Variants in H6PD observed in about 807,000 individuals in gnomAD.
The protein encoded by H6PD is GDH/6PGL endoplasmic bifunctional protein.
H6PD carries 48 observed loss-of-function variants against 61.2 expected under a neutral mutation model. The observed-to-expected ratio is 0.78, with a 90% confidence interval of 0.62 to 1.00. H6PD has a LOEUF of 1.00. Ranked by LOEUF, H6PD falls within the 50% of genes least tolerant of loss-of-function variation. The pLI, the probability that H6PD is intolerant of heterozygous loss-of-function variation, is 0.00. For synonymous variants in H6PD, 480 were observed against 457.9 expected, an observed-to-expected ratio of 1.05 and a Z score of -0.62; for missense variants, 1,093 against 1,065.0, an observed-to-expected ratio of 1.03 and a Z score of -0.37.
At chr1:9,255,997 G>A (rs373156470) in intron 3 of H6PD, among the ~76,000 whole-genome samples, 4 of 152,216 alleles carry the variant, frequency 2.6e-5, no homozygotes, top group East Asian at 3.8e-4. Context: ...GCTCTGGGTC[G>A]AACTGCCTGG....
chr1:9,251,436 C>CTGTTGTTGTTGT (rs58988268), intron 3 of H6PD, among the ~76,000 whole-genome samples: 2 of 151,254 alleles, frequency 1.3e-5, no homozygotes, highest in South Asian at 2.1e-4. Context: ...AGAAGGCCTG[C>CTGTTGTTGTTGT]TGTTGTTGTT....
Position 9,265,519 on chromosome 1 carries a change from G to A in H6PD, c.*650G>A, listed in dbSNP as rs576907339. 1.3e-4 allele frequency: 22 copies of A among 163,946 alleles called. No homozygotes were observed. Among genetic ancestry groups the A allele is most frequent in the African/African-American group, 5.3e-4 (22 of 41,642 alleles). The allele number at this position is 163,946 out of a possible 1,614,324, so 10.2% of individuals were successfully genotyped here. On this transcript the variant is annotated 3_prime_UTR_variant, in exon 5 of 5. Coordinates refer to ENST00000377403, the MANE Select transcript of H6PD (RefSeq NM_004285.4). Reference sequence around the variant, plus strand: ...CATCCCTGTCTCCTCCATCCTGGCTGTGCAGTAGGAATTCCAGGCTCCTCC... The same window carrying A: ...CATCCCTGTCTCCTCCATCCTGGCTATGCAGTAGGAATTCCAGGCTCCTCC...
In H6PD at chr1:9,257,290, AT is replaced by A. The variant is rs559290011; in HGVS notation, c.746-4757del. Among the ~76,000 whole-genome samples the A allele has an allele frequency of 5.2e-3, 757 of 145,064 alleles. 2 individuals carry two copies. Among genetic ancestry groups the A allele is most frequent in the African/African-American group, 0.016 (652 of 39,668 alleles). ...AAATAGTTGGGACCACACTTGGCTA[AT>A]TTTTTTTTTTTAATTTTTTGTAGAA... On this transcript the variant is annotated intron_variant, in intron 3 of 4. Coordinates refer to ENST00000377403, the MANE Select transcript of H6PD (RefSeq NM_004285.4).
At chr1:9,256,437 C>A (rs1174005871) in intron 3 of H6PD, among the ~76,000 whole-genome samples, 1 of 152,174 alleles carries the variant, frequency 6.6e-6, no homozygotes, top group African/African-American at 2.4e-5. Flanking sequence ...TCTTGCCCCC[C>A]AACACTGGTG....
intron 1 of H6PD, chr1:9,239,769 CT>C: frequency 2.6e-6 from 1 of 385,890 alleles, no homozygotes; most frequent in African/African-American, 2.1e-5. Flanking sequence ...AGACATTGAC[CT>C]TTACCTCCCG....
At position 9,254,127 on chromosome 1, in the gene H6PD, G is replaced by A. The variant is rs1368097852; in HGVS notation, c.745+7044G>A. On this transcript the variant is annotated intron_variant, in intron 3 of 4. Coordinates refer to ENST00000377403, the MANE Select transcript of H6PD (RefSeq NM_004285.4). This position sits in a 1 kb window ranked among gnomAD's most constrained non-coding sequence, Gnocchi z 4.6. ...TCCCAGCACTTTGGGAGGCCGAGACGGGTGGATCACTTGAGGTCAGGCGTT... is the reference window on the plus strand; with the variant it reads ...TCCCAGCACTTTGGGAGGCCGAGACAGGTGGATCACTTGAGGTCAGGCGTT... Among the ~76,000 whole-genome samples the A allele has an allele frequency of 1.3e-5, 2 of 152,142 alleles. No homozygotes were observed. The highest frequency in any genetic ancestry group is 2.4e-5 in the African/African-American group (1 of 41,406).
chr1:9,241,405 T>A (rs894367938), intron 1 of H6PD, among the ~76,000 whole-genome samples: 8 of 152,048 alleles, frequency 5.3e-5, no homozygotes, highest in Non-Finnish European at 1.2e-4. Context: ...TTATTTATTT[T>A]ATTTATTTAC....
intron 4 of H6PD, 26 bp from the exon 5 acceptor site, chr1:9,263,483 C>A: frequency 1.2e-6 from 2 of 1,610,402 alleles, no homozygotes; most frequent in South Asian, 2.2e-5. Flanking sequence ...GCCAGAGAGT[C>A]ACCCTCTGCT....
chr1:9,236,134 G>A (rs1378728387), intron 1 of H6PD, among the ~76,000 whole-genome samples: 1 of 152,008 alleles, frequency 6.6e-6, no homozygotes, highest in Non-Finnish European at 1.5e-5. Flanking sequence ...GATTACAGGC[G>A]CGTGCCACCA....
At chr1:9,261,040 C>T (rs1270229094) in intron 3 of H6PD, among the ~76,000 whole-genome samples, 1 of 152,124 alleles carries the variant, frequency 6.6e-6, no homozygotes, top group Non-Finnish European at 1.5e-5. Flanking sequence ...CCTCTCCCTC[C>T]CCTCCAGCTC....
intron 3 of H6PD, among the ~76,000 whole-genome samples, chr1:9,257,567 G>A (rs1424844402): frequency 6.6e-6 from 1 of 152,192 alleles, no homozygotes; most frequent in African/African-American, 2.4e-5. Flanking sequence ...CTGTCTGAAC[G>A]TAGTGCTGTG....
chr1:9,240,065 T>C, intron 1 of H6PD: 1 of 1,171,568 alleles, frequency 8.5e-7, no homozygotes. Flanking sequence ...AGGATTAGAG[T>C]TGGAGACAGT....
rs76029483 is a variant in H6PD, at chr1:9,262,324, C to T, written c.1011C>T (p.Phe337=). Residue 337 remains phenylalanine (F), a synonymous_variant, in exon 4 of 5, where the codon TTC becomes TTT. Coordinates refer to ENST00000377403, the MANE Select transcript of H6PD (RefSeq NM_004285.4). ...GCTTCCACAGCCTGACGCCGACCTT[C>T]GCAGGTGGGCCCTGGGGCTGGGCAT... The part of the protein sequence containing the change: ...PDSFHSLTPT[F]AAVLVHIDNL... 2.8e-3 allele frequency: 4,449 copies of T among 1,600,758 alleles called. 111 individuals carry two copies. The African/African-American group carries it at 0.05, about 18-fold the overall frequency.
intron 2 of H6PD, among the ~76,000 whole-genome samples, chr1:9,246,048 T>C (rs1266758929): frequency 1.3e-5 from 2 of 151,898 alleles, no homozygotes. Context: ...GTTCCAGCAA[T>C]TCTCCCGCCT....
Position 9,245,429 on chromosome 1 carries a change from C to T in H6PD, c.495C>T (p.Gly165=), listed in dbSNP as rs143453022. Residue 165 remains glycine (G), a synonymous_variant, in exon 2 of 5, where the codon GGC becomes GGT. Transcript: ENST00000377403. The surrounding 1 kb of genome is among the most constrained non-coding windows in gnomAD (Gnocchi z 4.8). ...NINSSCRPGP[G]AWLRVVLEKP... ...ACAGTAGCTGCCGGCCAGGCCCGGG[C>T]GCCTGGCTGCGGGTTGTCCTTGAGA... 52 of 1,614,040 alleles carry T rather than the reference C, an allele frequency of 3.2e-5. 1 individual carries two copies. Among genetic ancestry groups the T allele is most frequent in the African/African-American group, 2.7e-4 (20 of 75,056 alleles).
At chr1:9,246,931 A>G (rs778879360) in intron 2 of H6PD, 35 bp from the exon 3 acceptor site, 5 of 1,426,666 alleles carry the variant, frequency 3.5e-6, no homozygotes, top group Non-Finnish European at 5.0e-6. Context: ...TCGTGAGAGT[A>G]TCCTGCAGCA....
At position 9,270,946 on chromosome 1, in the gene H6PD, G is replaced by GATTTTTTTTTTTTTT. The variant is rs1557432749; in HGVS notation, c.*6077_*6078insATTTTTTTTTTTTTT. On this transcript the variant is annotated 3_prime_UTR_variant, in exon 5 of 5. Transcript: ENST00000377403. Reference sequence around the variant, plus strand: ...ATGATGAGGCACATTCAGAACAAATGCTTTTTTTTTTTTGAGACAGAGTCT... The same window carrying GATTTTTTTTTTTTTT: ...ATGATGAGGCACATTCAGAACAAATGATTTTTTTTTTTTTTCTTTTTTTTTTTTGAGACAGAGTCT... 9.4e-6 allele frequency: 1 copy of GATTTTTTTTTTTTTT among 106,948 alleles called. No homozygotes were observed. The highest frequency in any genetic ancestry group is 1.9e-5 in the Non-Finnish European group (1 of 52,810). The allele number at this position is 106,948 out of a possible 1,614,324, so 6.6% of individuals were successfully genotyped here.
chr1:9,241,393 A>G (rs1045143318), intron 1 of H6PD, among the ~76,000 whole-genome samples: 1 of 151,066 alleles, frequency 6.6e-6, no homozygotes, highest in Non-Finnish European at 1.5e-5. Context: ...TAGCTGATTT[A>G]TTTATTTATT....
At chr1:9,263,088 G>A (rs985695024) in intron 4 of H6PD, among the ~76,000 whole-genome samples, 1 of 152,070 alleles carries the variant, frequency 6.6e-6, no homozygotes, top group African/African-American at 2.4e-5. Flanking sequence ...TGCGTCGGGT[G>A]CATCCTGAAT....
Sources: gnomAD v4.1 joint callset for allele counts (sites outside exome capture counted in the v4.1 genomes callset) on GRCh38, gnomAD v4.1.1 for gene constraint, Gnocchi (gnomAD v3.1) non-coding constraint, MANE v1.5 for transcripts, NCBI Gene and HGNC (gene_info 2026-07-23, HGNC 2026-07-21) for gene names.